Variants in LMBRD1 observed in about 807,000 individuals in gnomAD.
LMBRD1 encodes the protein lysosomal cobalamin transport escort protein LMBD1.
Under a neutral mutation model 74.8 loss-of-function variants are expected in LMBRD1, and 64 were observed. The ratio of observed to expected loss-of-function variants is 0.86; its 90% CI spans 0.70 to 1.05. The LOEUF (loss-of-function observed/expected upper bound fraction) is 1.05, where lower values mean the gene tolerates loss of function less well. Among genes scored for constraint, LMBRD1 ranks in the 50% least tolerant of loss-of-function variants. LMBRD1 has a pLI of 0.00. For missense variants in LMBRD1, 652 were observed against 645.9 expected, an observed-to-expected ratio of 1.01 and a Z score of -0.10; for synonymous variants, 204 against 216.3, an observed-to-expected ratio of 0.94 and a Z score of 0.50.
chr6:69,790,200 T>A (rs1163063262), intron 2 of LMBRD1, 96 bp downstream of exon 2: 1 of 821,136 alleles, frequency 1.2e-6, no homozygotes, highest in Non-Finnish European at 2.0e-6. Context: ...TCTCATTCAT[T>A]CCCAGATACA....
intron 2 of LMBRD1, among the ~76,000 whole-genome samples, chr6:69,781,324 C>A (rs894049892): frequency 6.6e-6 from 1 of 152,080 alleles, no homozygotes; most frequent in Non-Finnish European, 1.5e-5. Flanking sequence ...ACTCTAAATT[C>A]TGTGCATGTG....
Position 69,684,761 on chromosome 6 carries a change from C to A in LMBRD1, c.1418-8220G>T, listed in dbSNP as rs184261646. Among the ~76,000 whole-genome samples the A allele has an allele frequency of 1.0e-3, 154 of 152,006 alleles. No homozygotes were observed. The Middle Eastern group carries it at 0.01, about 10-fold the overall frequency. Reference sequence around the variant, plus strand: ...GATTTGTAAAGCTGAGCAGCAGAATCAGAAAAGAATTAATCCAAATAAAAA... The same window carrying A: ...GATTTGTAAAGCTGAGCAGCAGAATAAGAAAAGAATTAATCCAAATAAAAA... On this transcript the variant is annotated intron_variant, in intron 14 of 15. Coordinates refer to ENST00000649934, the MANE Select transcript of LMBRD1 (RefSeq NM_018368.4).
At position 69,674,954 on chromosome 6, in the gene LMBRD1, C is replaced by T. The variant is rs934728555; in HGVS notation, c.*1204G>A. On this transcript the variant is annotated 3_prime_UTR_variant, in exon 16 of 16. Transcript: ENST00000649934. ...TGCCATTGCACTCCAGCCTGGGCGA[C>T]AAGAGTGAAACTCCATCTTAAAAAA... Among the ~76,000 whole-genome samples the T allele has an allele frequency of 1.3e-5, 2 of 151,550 alleles. No homozygotes were observed. The highest frequency in any genetic ancestry group is 1.9e-4 in the East Asian group (1 of 5,148).
intron 3 of LMBRD1, among the ~76,000 whole-genome samples, chr6:69,762,671 G>T (rs1261617109): frequency 1.3e-5 from 2 of 152,112 alleles, no homozygotes; most frequent in Non-Finnish European, 2.9e-5. Context: ...ATAGTATTTG[G>T]AGGTGGGGTC....
chr6:69,781,346 G>A (rs977904648), intron 2 of LMBRD1, among the ~76,000 whole-genome samples: 2 of 152,074 alleles, frequency 1.3e-5, no homozygotes, highest in Admixed American at 6.5e-5. Context: ...AAAATTAAAC[G>A]TGGAGAATCT....
intron 7 of LMBRD1, among the ~76,000 whole-genome samples, chr6:69,721,964 A>G (rs974200914): frequency 4.6e-5 from 7 of 151,422 alleles, no homozygotes; most frequent in Non-Finnish European, 8.8e-5. Flanking sequence ...ACAGGGAGAG[A>G]CTCCTCTGCC....
intron 3 of LMBRD1, among the ~76,000 whole-genome samples, chr6:69,777,025 G>A (rs763663297): frequency 9.2e-5 from 14 of 152,264 alleles, no homozygotes; most frequent in Non-Finnish European, 1.9e-4. Flanking sequence ...GCGAACGCTT[G>A]TAATCGCAGC....
Position 69,697,648 on chromosome 6 carries a change from G to A in LMBRD1, c.1339-7C>T, listed in dbSNP as rs1160933995. On this transcript the variant is annotated splice_polypyrimidine_tract_variant and splice_region_variant and intron_variant, in intron 13 of 15. Transcript: ENST00000649934. ...TATCAGAAGTTATATTAGTCTGAAA[G>A]ATAAAAATACAGTTAAAATATAAAA... The A allele has an allele frequency of 6.6e-7, 1 of 1,514,906 alleles. No homozygotes were observed. The highest frequency in any genetic ancestry group is 9.2e-7 in the Non-Finnish European group (1 of 1,092,278). The allele number at this position is 1,514,906 out of a possible 1,614,324, so 93.8% of individuals were successfully genotyped here.
intron 8 of LMBRD1, among the ~76,000 whole-genome samples, chr6:69,718,196 A>G (rs1766533586): frequency 6.6e-6 from 1 of 152,042 alleles, no homozygotes; most frequent in South Asian, 2.1e-4. Context: ...TTTTTACAGT[A>G]TTTTTAGAAG....
At chr6:69,749,448 C>G in intron 4 of LMBRD1, 40 bp from the exon 5 acceptor site, 1 of 1,470,340 alleles carries the variant, frequency 6.8e-7, no homozygotes, top group East Asian at 2.3e-5. Flanking sequence ...TTTAGCAAGC[C>G]CTTTAAAATA....
intron 3 of LMBRD1, among the ~76,000 whole-genome samples, chr6:69,764,972 C>T (rs1765449940): frequency 6.6e-6 from 1 of 150,764 alleles, no homozygotes; most frequent in African/African-American, 2.4e-5. Flanking sequence ...CTGTGTGACC[C>T]AGGCTGGAGT....
rs771582975 is a variant in LMBRD1, at chr6:69,674,438, T to C, written c.*1720A>G. On this transcript the variant is annotated 3_prime_UTR_variant, in exon 16 of 16. Transcript: ENST00000649934. ...ACATGATTGTTTGATGAGTCAGTTA[T>C]ACAGAAGAGATATGGAGATCTACCT... Among the ~76,000 whole-genome samples, 2 of 152,030 alleles carry C rather than the reference T, an allele frequency of 1.3e-5. No homozygotes were observed. Among genetic ancestry groups the C allele is most frequent in the South Asian group, 2.1e-4 (1 of 4,826 alleles).
chr6:69,788,859 A>G (rs1213331216), intron 2 of LMBRD1, among the ~76,000 whole-genome samples: 1 of 152,224 alleles, frequency 6.6e-6, no homozygotes, highest in East Asian at 1.9e-4. Flanking sequence ...AGCTCTCTGG[A>G]ACCAAACTGC....
intron 13 of LMBRD1, among the ~76,000 whole-genome samples, chr6:69,698,224 A>T (rs1034098148): frequency 1.3e-5 from 2 of 151,988 alleles, no homozygotes; most frequent in Non-Finnish European, 2.9e-5. Context: ...TTTAACACTC[A>T]CCAATATTAT....
At chr6:69,696,194 C>A (rs1260047640) in intron 14 of LMBRD1, among the ~76,000 whole-genome samples, 1 of 152,152 alleles carries the variant, frequency 6.6e-6, no homozygotes, top group Non-Finnish European at 1.5e-5. Flanking sequence ...TTTCTCTCAC[C>A]ATTGCTCTAC....
intron 7 of LMBRD1, among the ~76,000 whole-genome samples, chr6:69,724,395 T>A (rs1479586790): frequency 1.4e-5 from 2 of 144,268 alleles, no homozygotes; most frequent in African/African-American, 5.1e-5. Flanking sequence ...TGAATATTCA[T>A]ACAAAAACCC....
intron 5 of LMBRD1, among the ~76,000 whole-genome samples, chr6:69,747,152 T>A (rs749015332): frequency 6.6e-6 from 1 of 152,016 alleles, no homozygotes; most frequent in Admixed American, 6.6e-5. Context: ...GGAATTAGTG[T>A]TAAATGAAGT....
chr6:69,697,605 T>G lies in LMBRD1; in HGVS notation c.1375A>C (p.Thr459Pro). The G allele has an allele frequency of 6.2e-7, 1 of 1,605,652 alleles. No individual in the cohort carries two copies. Among genetic ancestry groups the G allele is most frequent in the Non-Finnish European group, 8.5e-7 (1 of 1,173,140 alleles). The change falls in exon 14 of 16, where the codon ACC (threonine) becomes CCC (proline). Residue 459 changes from threonine (T) to proline (P), a missense_variant. Physicochemically the swap from Thr to Pro is conservative, Grantham distance 38. Transcript: ENST00000649934. ...TCACATCTCTTTGGCACAGAAAGGG[T>G]TGAATTGCCTTTATGATTATCAGAA... is the stretch of plus-strand genomic sequence containing the variant. ...ITSDNHKGNS[T>P]LSVPKRCDAD... is the part of the protein sequence containing the mutation.
intron 3 of LMBRD1, among the ~76,000 whole-genome samples, chr6:69,778,692 C>T (rs1009884788): frequency 2.0e-5 from 3 of 152,020 alleles, no homozygotes; most frequent in African/African-American, 7.2e-5. Context: ...ACTAAAAAGG[C>T]AACATTCTAC....
Sources: gnomAD v4.1 joint callset for allele counts (sites outside exome capture counted in the v4.1 genomes callset) on GRCh38, gnomAD v4.1.1 for gene constraint, MANE v1.5 for transcripts, NCBI Gene and HGNC (gene_info 2026-07-23, HGNC 2026-07-21) for gene names.